Variants in RP1L1 observed in about 807,000 individuals in gnomAD.
RP1L1 encodes retinitis pigmentosa 1-like 1 protein.
In RP1L1, 27 loss-of-function variants were observed where a neutral mutation model predicts 15.7. The observed-to-expected ratio is 1.72, with a 90% confidence interval of 1.27 to 2.38. The LOEUF (loss-of-function observed/expected upper bound fraction) is 2.38. Among genes scored for constraint, RP1L1 ranks in the 30% most tolerant of loss-of-function variants. The pLI, the probability that RP1L1 is intolerant of heterozygous loss-of-function variation, is 0.00. For synonymous variants in RP1L1, 1,813 were observed against 1,276.7 expected, an observed-to-expected ratio of 1.42 and a Z score of -8.96; for missense variants, 4,798 against 3,075.9, an observed-to-expected ratio of 1.56 and a Z score of -13.24.
At chr8:10,652,411 G>A (rs1798576219) in intron 1 of RP1L1, among the ~76,000 whole-genome samples, 1 of 152,192 alleles carries the variant, frequency 6.6e-6, no homozygotes, top group South Asian at 2.1e-4. Flanking sequence ...TGGAGAGAAA[G>A]CAGATTATAC....
intron 1 of RP1L1, among the ~76,000 whole-genome samples, chr8:10,642,998 C>A (rs1798429131): frequency 6.6e-6 from 1 of 152,138 alleles, no homozygotes; most frequent in African/African-American, 2.4e-5. Flanking sequence ...ATGGAATTAT[C>A]TCCTTGAGGC....
rs756982338 is a variant in RP1L1 at position 10,607,575 on chromosome 8, G to A, written c.6523C>T (p.Pro2175Ser). Reference sequence around the variant, plus strand: ...GGGGCCTCTACACCTTCTAACTCTGGTTGGGCCTCCTCTTCAGCCTCCTGG... The same window carrying A: ...GGGGCCTCTACACCTTCTAACTCTGATTGGGCCTCCTCTTCAGCCTCCTGG... ...EAQEAEEEAQ[P>S]ELEGVEAPEA... Residue 2175 changes from proline (P) to serine (S), a missense_variant, in exon 4 of 4, where the codon CCA becomes TCA. Coordinates refer to ENST00000382483, the MANE Select transcript of RP1L1 (RefSeq NM_178857.6). The A allele has an allele frequency of 1.0e-5, 16 of 1,565,306 alleles. No individual in the cohort carries two copies. The highest frequency in any genetic ancestry group is 1.4e-5 in the Non-Finnish European group (16 of 1,145,796).
At chr8:10,642,596 G>C (rs969829174) in intron 1 of RP1L1, among the ~76,000 whole-genome samples, 1 of 152,186 alleles carries the variant, frequency 6.6e-6, no homozygotes, top group Non-Finnish European at 1.5e-5. Context: ...TGAATTTCTT[G>C]TTTAAGCCAC....
In RP1L1 at chr8:10,622,585, C is replaced by A. The variant is rs775911578; in HGVS notation, c.609+8G>T. 3 of 1,614,202 alleles carry A rather than the reference C, an allele frequency of 1.9e-6. No individual in the cohort carries two copies. Among genetic ancestry groups the A allele is most frequent in the Non-Finnish European group, 2.5e-6 (3 of 1,180,040 alleles). On this transcript the variant is annotated splice_region_variant and intron_variant, in intron 2 of 3. Coordinates refer to ENST00000382483, the MANE Select transcript of RP1L1 (RefSeq NM_178857.6). ...TTTTCAAGGAACCGTCAGACCCCAACAGCCTACCTTTTTCCCGCTGGTCGT... is the reference window on the plus strand; with the variant it reads ...TTTTCAAGGAACCGTCAGACCCCAAAAGCCTACCTTTTTCCCGCTGGTCGT...
rs779259102 is a variant in RP1L1 at position 10,613,153 on chromosome 8, C to T, written c.945G>A (p.Met315Ile). 50 of 1,613,774 alleles carry T rather than the reference C, an allele frequency of 3.1e-5. 1 individual carries two copies. The highest frequency in any genetic ancestry group is 2.5e-5 in the Non-Finnish European group (29 of 1,180,046). ...CCACGGACAGGCTGCCGTCCTCATT[C>T]ATGCGGACCTTCTTCTTCATGTCAT... ...AGDDMKKKVR[M>I]NEDGSLSVEM... Residue 315 changes from methionine to isoleucine, a missense_variant, in exon 4 of 4, where the codon ATG becomes ATA. Coordinates refer to ENST00000382483, the MANE Select transcript of RP1L1 (RefSeq NM_178857.6).
chr8:10,635,085 C>T (rs1798308696), intron 1 of RP1L1, among the ~76,000 whole-genome samples: 1 of 152,180 alleles, frequency 6.6e-6, no homozygotes, highest in Admixed American at 6.5e-5. Context: ...ACGCACAGAG[C>T]AATGGAACCG....
chr8:10,615,582 G>A (rs1329573957), intron 3 of RP1L1, among the ~76,000 whole-genome samples: 3 of 152,178 alleles, frequency 2.0e-5, no homozygotes, highest in Non-Finnish European at 2.9e-5. Flanking sequence ...AGGCTGGAGA[G>A]CAGTGGCACG....
rs930994418 is a variant in RP1L1 at position 10,609,243 on chromosome 8, A to G, written c.4855T>C (p.Phe1619Leu). The change falls in exon 4 of 4, where the codon TTC (phenylalanine) becomes CTC (leucine). Residue 1619 changes from phenylalanine (F) to leucine (L), a missense_variant. By Grantham distance (22) the Phe-to-Leu change is conservative (BLOSUM62 0). Coordinates refer to ENST00000382483, the MANE Select transcript of RP1L1 (RefSeq NM_178857.6). ...RLRGLRNLSA[F>L]SERTLGLGPL... ...CCCAGGCCCAGGGTCCGCTCAGAGA[A>G]GGCCGAGAGGTTTCGCAGGCCCCGG... The G allele has an allele frequency of 1.2e-5, 20 of 1,609,188 alleles. No homozygotes were observed. Among genetic ancestry groups the G allele is most frequent in the Non-Finnish European group, 1.7e-5 (20 of 1,179,784 alleles).
intron 1 of RP1L1, among the ~76,000 whole-genome samples, chr8:10,626,145 C>A (rs1162298247): frequency 6.6e-6 from 1 of 152,000 alleles, no homozygotes; most frequent in African/African-American, 2.4e-5. Context: ...GTTTTGTTGG[C>A]AGCCCTGGGA....
rs1212977958 is a variant in RP1L1, at chr8:10,630,796, T to C, written c.-19-7576A>G. Among the ~76,000 whole-genome samples, 6 of 152,258 alleles carry C rather than the reference T, an allele frequency of 3.9e-5. No individual in the cohort carries two copies. In the East Asian group the frequency reaches 1.2e-3, roughly 29 times the overall value. ...ATTCTCAGCCAGTGTTGAAATCCAC[T>C]GAGCCAAAACACTGGACATGATGGA... On this transcript the variant is annotated intron_variant, in intron 1 of 3. Coordinates refer to ENST00000382483, the MANE Select transcript of RP1L1 (RefSeq NM_178857.6).
intron 2 of RP1L1, 88 bp from the exon 3 acceptor site, chr8:10,616,675 C>T (rs1797971790): frequency 1.4e-6 from 2 of 1,425,140 alleles, no homozygotes; most frequent in East Asian, 2.4e-5. Context: ...CCAGTCTCAC[C>T]AGCCCTGTCC....
intron 3 of RP1L1, among the ~76,000 whole-genome samples, chr8:10,614,049 C>T (rs1037889865): frequency 6.6e-6 from 1 of 152,210 alleles, no homozygotes; most frequent in Non-Finnish European, 1.5e-5. Flanking sequence ...GTTGCTAGCA[C>T]ATAGTAGGCT....
chr8:10,607,418 C>A lies in RP1L1; in HGVS notation c.6680G>T (p.Gly2227Val). Residue 2227 changes from glycine (G) to valine (V), a missense_variant, in exon 4 of 4, where the codon GGC becomes GTC. Transcript: ENST00000382483. ...CCCTTCAGCCTCCGGGGTCTCTACGCCTTCTGGCTCTGGCTGGGCCTCCTC... is the reference window on the plus strand; with the variant it reads ...CCCTTCAGCCTCCGGGGTCTCTACGACTTCTGGCTCTGGCTGGGCCTCCTC... ...AEEEAQPEPEGVETPEAEGEA... is the reference protein window; with the variant it reads ...AEEEAQPEPEVVETPEAEGEA... 6.2e-7 allele frequency: 1 copy of A among 1,613,540 alleles called. No individual in the cohort carries two copies. The highest frequency in any genetic ancestry group is 8.5e-7 in the Non-Finnish European group (1 of 1,179,814).
At chr8:10,625,750 G>T (rs1798146117) in intron 1 of RP1L1, among the ~76,000 whole-genome samples, 1 of 152,188 alleles carries the variant, frequency 6.6e-6, no homozygotes, top group South Asian at 2.1e-4. Flanking sequence ...GGAGCAGAGG[G>T]CCTGGCAGGA....
At chr8:10,619,619 C>A (rs919419232) in intron 2 of RP1L1, among the ~76,000 whole-genome samples, 2 of 152,130 alleles carry the variant, frequency 1.3e-5, no homozygotes, top group African/African-American at 2.4e-5. Context: ...GAGTGTAATT[C>A]TTTCCTGCTT....
chr8:10,612,745 G>A lies in RP1L1; in HGVS notation c.1353C>T (p.Asp451=), dbSNP rs757319186. The A allele has an allele frequency of 1.2e-6, 2 of 1,607,734 alleles. No individual in the cohort carries two copies. The highest frequency in any genetic ancestry group is 1.7e-5 in the Admixed American group (1 of 59,994). Residue 451 remains aspartate (D), a synonymous_variant, in exon 4 of 4, where the codon GAC becomes GAT. Transcript: ENST00000382483. ...GTAGRERCSQ[D]SASPASSTGL... is the part of the protein sequence containing the mutation. Reference sequence around the variant, plus strand: ...CGGTGCTGGAGGCTGGGCTGGCACTGTCCTGGCTGCATCTCTCCCTCCCGG... The same window carrying A: ...CGGTGCTGGAGGCTGGGCTGGCACTATCCTGGCTGCATCTCTCCCTCCCGG...
intron 1 of RP1L1, among the ~76,000 whole-genome samples, chr8:10,638,720 AG>A (rs1798365387): frequency 6.6e-6 from 1 of 152,220 alleles, no homozygotes; most frequent in Non-Finnish European, 1.5e-5. Flanking sequence ...AGCTGGGACT[AG>A]GGCTGAGGAC....
intron 1 of RP1L1, among the ~76,000 whole-genome samples, chr8:10,634,040 G>C (rs1436192834): frequency 1.3e-5 from 2 of 152,140 alleles, no homozygotes; most frequent in African/African-American, 4.8e-5. Flanking sequence ...GCAGGCCTGA[G>C]GCAGCCTCAG....
In RP1L1 at chr8:10,622,647, G is replaced by A; in HGVS notation, c.555C>T (p.Ala185=). ...TCACAGGAAAGCGCAGGAGATCTGA[G>A]GCTTTGCCGAGAAAGGCGGCCAGGT... ...TRNLAAFLGK[A]SDLLRFPVKQ... is the part of the protein sequence containing the mutation. The change falls in exon 2 of 4, where the codon GCC becomes GCT. Residue 185 remains alanine, a synonymous_variant. Transcript: ENST00000382483. 2 of 1,614,216 alleles carry A rather than the reference G, an allele frequency of 1.2e-6. No homozygotes were observed. The highest frequency in any genetic ancestry group is 1.3e-5 in the African/African-American group (1 of 75,056).
Sources: allele counts gnomAD v4.1 joint callset (sites outside exome capture counted in the v4.1 genomes callset), GRCh38; gene constraint gnomAD v4.1.1; transcripts MANE v1.5; gene names NCBI Gene and HGNC (gene_info 2026-07-23, HGNC 2026-07-21).